The following SIMC1 variants were observed in gnomAD, a reference collection of about 807,000 sequenced individuals.
The protein encoded by SIMC1 is SUMO-interacting motif-containing protein 1.
A neutral mutation model predicts 82.3 loss-of-function variants in SIMC1; 55 were observed. The observed-to-expected ratio is 0.67, with a 90% CI of 0.54 to 0.84. SIMC1 has a LOEUF of 0.84. Ranked by LOEUF, SIMC1 falls within the 40% of genes least tolerant of loss-of-function variation. SIMC1 has a pLI of 0.00. For missense variants in SIMC1, 915 were observed against 1,107.2 expected (o/e 0.83, Z 2.46); for synonymous variants, 353 against 426.3 (o/e 0.83, Z 2.12).
chr5:176,334,868 G>T (rs1265663114), intron 7 of SIMC1, among the ~76,000 whole-genome samples: 1 of 152,084 alleles, frequency 6.6e-6, no homozygotes, highest in African/African-American at 2.4e-5. Context: ...AGTTGGGGTG[G>T]ATCACCTGAG....
At position 176,290,213 on chromosome 5, in the gene SIMC1, C is replaced by T. The variant is rs72645798; in HGVS notation, c.689C>T (p.Pro230Leu). ...CCCCTGCGACCTTTGCCATGCCCAC[C>T]GAGAGCCTCACCATGTCCACCACGA... Reference protein sequence around the residue: ...PCPLRPLPCPPRASPCPPRAS... With the variant: ...PCPLRPLPCPLRASPCPPRAS... The change falls in exon 2 of 10, where the codon CCG becomes CTG. Residue 230 changes from proline to leucine, a missense_variant. By Grantham distance (98) the Pro-to-Leu change is moderately conservative. Around this residue, in one of 2 missense-constraint regions of SIMC1, gnomAD observed 902 missense variants for 1,040.3 expected, o/e 0.87. Coordinates refer to ENST00000429602, the MANE Select transcript of SIMC1 (RefSeq NM_001308195.2). The T allele has an allele frequency of 0.15, 244,769 of 1,613,274 alleles. 18,936 individuals are homozygous for T. The highest frequency in any genetic ancestry group is 0.19 in the Middle Eastern group (1,137 of 6,062).
At chr5:176,272,028 C>T (rs552902760) in intron 1 of SIMC1, among the ~76,000 whole-genome samples, 66 of 144,172 alleles carry the variant, frequency 4.6e-4, no homozygotes, top group African/African-American at 1.6e-3. Context: ...AATATATCTA[C>T]TATGCAGTTA....
chr5:176,322,212 A>ATT, intron 5 of SIMC1, 61 bp from the exon 6 acceptor site: 15 of 1,337,566 alleles, frequency 1.1e-5, no homozygotes, highest in Middle Eastern at 2.4e-4. Flanking sequence ...TTCTTTCTTT[A>ATT]TTTTTTTTTT....
At position 176,271,936 on chromosome 5, in the gene SIMC1, TACTATTATA is replaced by T. The variant is rs1309540083; in HGVS notation, c.130-17717_130-17709del. Among the ~76,000 whole-genome samples the T allele has an allele frequency of 9.9e-4, 143 of 144,766 alleles. 1 individual carries two copies. The highest frequency in any genetic ancestry group is 3.5e-3 in the African/African-American group (138 of 39,870). The allele number at this position is 144,766 out of a possible 152,430, so 95.0% of individuals were successfully genotyped here. A position where few individuals can be genotyped will look rare whatever the true frequency, so the allele number is the denominator to read the frequency against. On this transcript the variant is annotated intron_variant, in intron 1 of 9. Coordinates refer to ENST00000429602, the MANE Select transcript of SIMC1 (RefSeq NM_001308195.2). ...TAATTGTATATTATATTATAATATA[TACTATTATA>T]TATTATATATTATGTATATAATGTA...
Position 176,289,716 on chromosome 5 carries a change from G to A in SIMC1, c.192G>A (p.Val64=), listed in dbSNP as rs1221143239. ...CAAAAGATCGCAGTGGACTGTATGTGATTGACCTGACAAGAGCTGAGGGAG... is the reference window on the plus strand; with the variant it reads ...CAAAAGATCGCAGTGGACTGTATGTAATTGACCTGACAAGAGCTGAGGGAG... ...PRTKDRSGLY[V]IDLTRAEGEN... The change falls in exon 2 of 10, where the codon GTG becomes GTA. Residue 64 remains valine (V), a synonymous_variant. Coordinates refer to ENST00000429602, the MANE Select transcript of SIMC1 (RefSeq NM_001308195.2). 6.2e-7 allele frequency: 1 copy of A among 1,613,238 alleles called. No homozygotes were observed.
intron 1 of SIMC1, among the ~76,000 whole-genome samples, chr5:176,247,758 T>C (rs544307276): frequency 6.6e-6 from 1 of 151,746 alleles, no homozygotes; most frequent in African/African-American, 2.4e-5. Context: ...TTTAAGTCTT[T>C]AATCCATCTT....
chr5:176,249,715 G>A (rs968154707), intron 1 of SIMC1, among the ~76,000 whole-genome samples: 1 of 151,780 alleles, frequency 6.6e-6, no homozygotes, highest in African/African-American at 2.4e-5. Context: ...ATGGTGGCAG[G>A]CATCTGTAGT....
At chr5:176,255,946 G>C (rs2113133275) in intron 1 of SIMC1, among the ~76,000 whole-genome samples, 1 of 152,198 alleles carries the variant, frequency 6.6e-6, no homozygotes. Context: ...GTCTCAAGGA[G>C]AGAAAGTGGA....
intron 9 of SIMC1, among the ~76,000 whole-genome samples, chr5:176,337,861 G>C (rs1203005161): frequency 1.3e-5 from 2 of 152,214 alleles, no homozygotes; most frequent in Non-Finnish European, 2.9e-5. Context: ...GGTGAAGCCA[G>C]TGACCAATGA....
chr5:176,324,701 T>A lies in SIMC1; in HGVS notation c.2115T>A (p.Asn705Lys). 1 of 1,604,478 alleles carries A rather than the reference T, an allele frequency of 6.2e-7. No individual in the cohort carries two copies. Among genetic ancestry groups the A allele is most frequent in the Non-Finnish European group, 8.5e-7 (1 of 1,175,398 alleles). The change falls in exon 7 of 10, where the codon AAT (asparagine) becomes AAA (lysine). Residue 705 changes from asparagine to lysine, a missense_variant. Physicochemically the swap from Asn to Lys is moderately conservative, Grantham distance 94 (BLOSUM62 0). Coordinates refer to ENST00000429602, the MANE Select transcript of SIMC1 (RefSeq NM_001308195.2). ...ACAGGACCCCCACCTGCAGCTCCAA[T>A]AAAATTGCCGAGATGATGTTTGGGT... The part of the protein sequence containing the change: ...EVDRTPTCSS[N>K]KIAEMMFGFV...
intron 7 of SIMC1, among the ~76,000 whole-genome samples, chr5:176,329,496 T>TAAA (rs60571584): frequency 7.9e-5 from 10 of 126,558 alleles, no homozygotes; most frequent in Admixed American, 4.1e-4. Context: ...ACTCCCTCTT[T>TAAA]AAAAAAAAAA....
At chr5:176,253,776 T>C (rs1048599104) in intron 1 of SIMC1, among the ~76,000 whole-genome samples, 1 of 152,210 alleles carries the variant, frequency 6.6e-6, no homozygotes, top group African/African-American at 2.4e-5. Context: ...TTAGGCATTG[T>C]AGTTTGGCAG....
chr5:176,312,667 AAAAG>A (rs1366557842), intron 4 of SIMC1, among the ~76,000 whole-genome samples: 19 of 152,226 alleles, frequency 1.2e-4, no homozygotes, highest in African/African-American at 4.6e-4. Flanking sequence ...CTCCTCCCAA[AAAAG>A]AAAGAAATGA....
At position 176,285,226 on chromosome 5, in the gene SIMC1, C is replaced by T. The variant is rs867289842; in HGVS notation, c.130-4428C>T. 2.9e-3 allele frequency among the ~76,000 whole-genome samples: 435 copies of T among 151,240 alleles called. 1 individual carries two copies. The highest frequency in any genetic ancestry group is 0.01 in the Middle Eastern group (3 of 290). ...CCAATATCCCTGATGAACATTGATG[C>T]AAAAATCCTCAATAAAATACTGGCA... On this transcript the variant is annotated intron_variant, in intron 1 of 9. Transcript: ENST00000429602.
intron 8 of SIMC1, 85 bp from the exon 9 acceptor site, chr5:176,336,977 C>A: frequency 6.3e-7 from 1 of 1,598,512 alleles, no homozygotes; most frequent in Non-Finnish European, 8.6e-7. Flanking sequence ...ACTGTTTGAG[C>A]ATTCTGTAAA....
intron 1 of SIMC1, among the ~76,000 whole-genome samples, chr5:176,279,826 G>A (rs1762898403): frequency 6.6e-6 from 1 of 152,124 alleles, no homozygotes; most frequent in Non-Finnish European, 1.5e-5. Flanking sequence ...TGATTGCACT[G>A]TGGTCTGAGA....
chr5:176,250,043 C>T (rs540474239), intron 1 of SIMC1, among the ~76,000 whole-genome samples: 1 of 151,992 alleles, frequency 6.6e-6, no homozygotes, highest in South Asian at 2.1e-4. Flanking sequence ...CCGGCTTTTT[C>T]CTGTGGGCAT....
chr5:176,277,383 T>A (rs1762758276), intron 1 of SIMC1, among the ~76,000 whole-genome samples: 1 of 151,982 alleles, frequency 6.6e-6, no homozygotes, highest in Non-Finnish European at 1.5e-5. Context: ...AAAAATTTTC[T>A]CCCATTTTGT....
At chr5:176,292,961 G>C (rs1179343059) in intron 2 of SIMC1, among the ~76,000 whole-genome samples, 2 of 152,102 alleles carry the variant, frequency 1.3e-5, no homozygotes, top group African/African-American at 4.8e-5. Flanking sequence ...TATTTTTGTT[G>C]TTTATGGGGA....
Sources: allele counts gnomAD v4.1 joint callset (sites outside exome capture counted in the v4.1 genomes callset), GRCh38; gene constraint gnomAD v4.1.1; regional missense constraint gnomAD v4.1.1; transcripts MANE v1.5; gene names NCBI Gene and HGNC (gene_info 2026-07-23, HGNC 2026-07-21).